MUL1: variants seen among roughly 807,000 people sequenced by gnomAD.
MUL1 encodes mitochondrial E3 ubiquitin protein ligase 1.
In MUL1, 30 loss-of-function variants were observed where a neutral mutation model predicts 34.1. The observed-to-expected ratio is 0.88, with a 90% CI of 0.66 to 1.19. The LOEUF (loss-of-function observed/expected upper bound fraction) is 1.19. MUL1 is among the 50% of genes most tolerant of loss of function. The pLI, the probability that MUL1 is intolerant of heterozygous loss-of-function variation, is 0.00. For synonymous variants in MUL1, 191 were observed against 187.8 expected (o/e 1.02, Z -0.14); for missense variants, 419 against 450.5 (o/e 0.93, Z 0.63).
intron 1 of MUL1, among the ~76,000 whole-genome samples, chr1:20,504,846 C>A (rs1290552895): frequency 6.6e-6 from 1 of 152,178 alleles, no homozygotes. Context: ...AATGCATAAA[C>A]CACTTAATGC....
chr1:20,500,763 G>A lies in MUL1; in HGVS notation c.986C>T (p.Ala329Val). The part of the protein sequence containing the change: ...HVCSCTECYR[A>V]LPEPKKCPIC... ...AGGGCACTTCTTGGGCTCTGGCAAG[G>A]CGCGGTAGCACTCGGTGCAGGAACA... The change falls in exon 4 of 4, where the codon GCC (alanine) becomes GTC (valine). Residue 329 changes from alanine (A) to valine (V), a missense_variant. Transcript: ENST00000264198. 6.2e-7 allele frequency: 1 copy of A among 1,613,660 alleles called. No homozygotes were observed. Among genetic ancestry groups the A allele is most frequent in the Non-Finnish European group, 8.5e-7 (1 of 1,179,842 alleles).
intron 2 of MUL1, 49 bp from the exon 3 acceptor site, chr1:20,502,238 C>A (rs1177897503): frequency 6.2e-7 from 1 of 1,610,732 alleles, no homozygotes; most frequent in Non-Finnish European, 8.5e-7. Context: ...TCTGCCCTCT[C>A]CTTTCAGATA....
chr1:20,505,901 T>C (rs1234357411), intron 1 of MUL1, among the ~76,000 whole-genome samples: 2 of 152,154 alleles, frequency 1.3e-5, no homozygotes, highest in African/African-American at 2.4e-5. Context: ...GAAAGTGAAG[T>C]ATCAGATACA....
At chr1:20,504,201 A>AT (rs2051691525) in intron 1 of MUL1, among the ~76,000 whole-genome samples, 1 of 152,080 alleles carries the variant, frequency 6.6e-6, no homozygotes, top group South Asian at 2.1e-4. Context: ...CATGCTCATA[A>AT]TTAAGTGAGC....
chr1:20,499,521 C>T lies in MUL1; in HGVS notation c.*1169G>A, dbSNP rs367744990. The T allele has an allele frequency of 1.3e-5, 2 of 152,200 alleles. No individual in the cohort carries two copies. Among genetic ancestry groups the T allele is most frequent in the African/African-American group, 4.8e-5 (2 of 41,446 alleles). The allele number at this position is 152,200 out of a possible 1,614,324, so 9.4% of individuals were successfully genotyped here. ...ATACTAGTGTCGGCCCCTGAGGGCA[C>T]CCCTTCCTCGCCTGCACAAAGGAGG... On this transcript the variant is annotated 3_prime_UTR_variant, in exon 4 of 4. Transcript: ENST00000264198.
At chr1:20,506,142 C>A (rs1030961546) in intron 1 of MUL1, among the ~76,000 whole-genome samples, 32 of 152,102 alleles carry the variant, frequency 2.1e-4, no homozygotes, top group African/African-American at 7.7e-4. Context: ...CTGGCCCACA[C>A]ATTAGTTTCT....
chr1:20,505,058 T>C (rs1232852697), intron 1 of MUL1, among the ~76,000 whole-genome samples: 3 of 152,188 alleles, frequency 2.0e-5, no homozygotes, highest in African/African-American at 7.2e-5. Context: ...GCATCCACTG[T>C]GACTTGGGAC....
chr1:20,506,057 G>C (rs2051710829), intron 1 of MUL1, among the ~76,000 whole-genome samples: 1 of 152,162 alleles, frequency 6.6e-6, no homozygotes, highest in Non-Finnish European at 1.5e-5. Context: ...CTTCATGGCA[G>C]GGACTGGAGT....
At chr1:20,506,682 T>G (rs2051717626) in intron 1 of MUL1, among the ~76,000 whole-genome samples, 1 of 151,220 alleles carries the variant, frequency 6.6e-6, no homozygotes, top group African/African-American at 2.4e-5. Context: ...AAACCCCATC[T>G]CTACTAAAAA....
chr1:20,503,151 T>C (rs1471177425), intron 2 of MUL1, 71 bp downstream of exon 2: 4 of 1,148,118 alleles, frequency 3.5e-6, no homozygotes, highest in Admixed American at 2.1e-5. Flanking sequence ...CTCTTCATAT[T>C]AGCCAAGATG....
rs752448706 is a variant in MUL1, at chr1:20,500,999, G to A, written c.750C>T (p.Ala250=). The A allele has an allele frequency of 1.9e-6, 3 of 1,614,022 alleles. No homozygotes were observed. The highest frequency in any genetic ancestry group is 1.1e-5 in the South Asian group (1 of 91,086). ...WKVLALVFGF[A]TCATLFFILR... ...GAATGAAGAAGAGGGTGGCACATGT[G>A]GCAAAGCCAAAAACCAGCGCCAGCA... is the stretch of plus-strand genomic sequence containing the variant. The change falls in exon 4 of 4, where the codon GCC becomes GCT. Residue 250 remains alanine (A), a synonymous_variant. Transcript: ENST00000264198.
rs1453709972 is a variant in MUL1, at chr1:20,500,878, T to TGGCTC, written c.866_870dup (p.Lys291GlufsTer10). The TGGCTC allele has an allele frequency of 6.2e-7, 1 of 1,614,028 alleles. No individual in the cohort carries two copies. The highest frequency in any genetic ancestry group is 8.5e-7 in the Non-Finnish European group (1 of 1,180,004). On this transcript the variant is annotated frameshift_variant, in exon 4 of 4. Coordinates refer to ENST00000264198, the MANE Select transcript of MUL1 (RefSeq NM_024544.3). LOFTEE classifies it high-confidence loss of function. ...TTCAGACTCTCCCTGTCCTCAGGCT[T>TGGCTC]GGCTCGGCTCAGCAGCTGGGCCTCA...
chr1:20,507,135 G>C (rs2051723280), intron 1 of MUL1, among the ~76,000 whole-genome samples: 1 of 151,892 alleles, frequency 6.6e-6, no homozygotes, highest in Admixed American at 6.6e-5. Context: ...AGAATCACTT[G>C]AACCCGGGAG....
chr1:20,507,110 G>C (rs964915804), intron 1 of MUL1, among the ~76,000 whole-genome samples: 3 of 151,816 alleles, frequency 2.0e-5, no homozygotes, highest in Non-Finnish European at 4.4e-5. Context: ...CAGCTACTCG[G>C]GAGGCTGAAG....
chr1:20,500,706 G>C lies in MUL1; in HGVS notation c.1043C>G (p.Pro348Arg). 6.3e-7 allele frequency: 1 copy of C among 1,586,318 alleles called. No individual in the cohort carries two copies. The highest frequency in any genetic ancestry group is 8.6e-7 in the Non-Finnish European group (1 of 1,165,220). The change falls in exon 4 of 4, where the codon CCC becomes CGC. Residue 348 changes from proline (P) to arginine (R), a missense_variant. Physicochemically the swap from Pro to Arg is moderately radical, Grantham distance 103 (BLOSUM62 -2). Coordinates refer to ENST00000264198, the MANE Select transcript of MUL1 (RefSeq NM_024544.3). ...TCCAAACTATTAGCTGTTGTACAGG[G>C]GTATCACCCGGGTGATCGCCTGTCT... ...ICRQAITRVIPLYNS is the reference protein window; with the variant it reads ...ICRQAITRVIRLYNS
At chr1:20,505,582 C>CAAAAAAAAAAAA (rs11338654) in intron 1 of MUL1, among the ~76,000 whole-genome samples, 5 of 57,160 alleles carry the variant, frequency 8.7e-5, no homozygotes, top group Non-Finnish European at 1.2e-4. Context: ...GACCATGTCT[C>CAAAAAAAAAAAA]AAAAAAAAAA....
rs1310616388 is a variant in MUL1, at chr1:20,503,203, G to A, written c.208+19C>T. 1 of 1,516,514 alleles carries A rather than the reference G, an allele frequency of 6.6e-7. No homozygotes were observed. The highest frequency in any genetic ancestry group is 9.0e-7 in the Non-Finnish European group (1 of 1,111,714). The allele number at this position is 1,516,514 out of a possible 1,614,324, so 93.9% of individuals were successfully genotyped here. A position where few individuals can be genotyped will look rare whatever the true frequency, so the allele number is the denominator to read the frequency against. ...TGGGAAAAAGACGTTGTTTTCCATT[G>A]ACCAATAAGCAAACATACCTTCTAT... On this transcript the variant is annotated intron_variant, in intron 2 of 3. Coordinates refer to ENST00000264198, the MANE Select transcript of MUL1 (RefSeq NM_024544.3).
intron 1 of MUL1, among the ~76,000 whole-genome samples, chr1:20,507,057 G>T (rs1037883354): frequency 7.2e-5 from 11 of 151,898 alleles, no homozygotes; most frequent in African/African-American, 2.4e-4. Context: ...GTGAAACCCT[G>T]TGTCTACTAA....
chr1:20,502,135 T>G lies in MUL1; in HGVS notation c.263A>C (p.Lys88Thr), dbSNP rs752776789. 6.8e-6 allele frequency: 11 copies of G among 1,614,064 alleles called. No individual in the cohort carries two copies. The African/African-American group carries it at 1.5e-4, about 22-fold the overall frequency. ...AAGTGTCAGCCGCTGAATTACCCCCTTGCAGTTTTCCACAAACTGGCTGTT... is the reference window on the plus strand; with the variant it reads ...AAGTGTCAGCCGCTGAATTACCCCCGTGCAGTTTTCCACAAACTGGCTGTT... ...TLNSQFVENCKGVIQRLTLQE... is the reference protein window; with the variant it reads ...TLNSQFVENCTGVIQRLTLQE... Residue 88 changes from lysine to threonine, a missense_variant, in exon 3 of 4, where the codon AAG becomes ACG. Transcript: ENST00000264198.
Sources: allele counts gnomAD v4.1 joint callset (sites outside exome capture counted in the v4.1 genomes callset), GRCh38; gene constraint gnomAD v4.1.1; transcripts MANE v1.5; gene names NCBI Gene and HGNC (gene_info 2026-07-23, HGNC 2026-07-21).